CELF2: variants seen among roughly 807,000 people sequenced by gnomAD.
The protein encoded by CELF2 is CUGBP Elav-like family member 2.
In CELF2, 8 loss-of-function variants were observed where a neutral mutation model predicts 62.6. That is an observed-to-expected ratio of 0.13 (90% confidence interval 0.07 to 0.23). CELF2 has a LOEUF of 0.23. CELF2 is among the 10% of genes least tolerant of loss of function. The pLI is 1.00. For missense variants in CELF2, 333 were observed against 671.0 expected, an observed-to-expected ratio of 0.50 and a Z score of 5.56; for synonymous variants, 258 against 250.0, an observed-to-expected ratio of 1.03 and a Z score of -0.30.
At chr10:10,909,840 G>C (rs890236587) in intron 1 of CELF2, among the ~76,000 whole-genome samples, 1 of 138,964 alleles carries the variant, frequency 7.2e-6, no homozygotes, top group Non-Finnish European at 1.5e-5. Context: ...CCAGTAGACA[G>C]ACAGCCTCAT....
At chr10:11,100,337 T>G (rs1729273577) in intron 1 of CELF2, among the ~76,000 whole-genome samples, 1 of 152,106 alleles carries the variant, frequency 6.6e-6, no homozygotes, top group Non-Finnish European at 1.5e-5. Context: ...TCTTGGCCCT[T>G]TTCCATTCCT....
the CELF2 span, among the ~76,000 whole-genome samples, chr10:10,555,853 G>C: frequency 6.6e-6 from 1 of 152,064 alleles, no homozygotes; most frequent in Non-Finnish European, 1.5e-5. Flanking sequence ...GAGCCTCTTC[G>C]GGCTCTTCAC....
chr10:10,975,841 C>T (rs563967617), intron 2 of CELF2, among the ~76,000 whole-genome samples: 3 of 152,320 alleles, frequency 2.0e-5, no homozygotes, highest in Non-Finnish European at 4.4e-5. Context: ...TTGAACAGTG[C>T]TGCTCCTTGC....
the CELF2 span, among the ~76,000 whole-genome samples, chr10:10,478,518 C>T: frequency 1.3e-5 from 2 of 151,940 alleles, no homozygotes; most frequent in African/African-American, 4.8e-5. Context: ...CAGTAATACA[C>T]GATAAAACTC....
the CELF2 span, among the ~76,000 whole-genome samples, chr10:10,573,469 T>A: frequency 1.3e-5 from 2 of 152,154 alleles, no homozygotes; most frequent in Non-Finnish European, 2.9e-5. Flanking sequence ...TTCAATTCCG[T>A]TGTGTGTCCA....
rs574074070 is a variant in CELF2, at chr10:10,805,762, A to G, written c.53+6945A>G. On this transcript the variant is annotated intron_variant, in intron 1 of 13. Transcript: ENST00000636488. ...TTTGATCATAGAGAGAGTCTTTAGG[A>G]GTCCTTTTCTTGCTCCAGGAAAAAA... Among the ~76,000 whole-genome samples, 145 of 152,300 alleles carry G rather than the reference A, an allele frequency of 9.5e-4. 3 individuals are homozygous for G. The South Asian group carries it at 0.029, about 30-fold the overall frequency.
the CELF2 span, among the ~76,000 whole-genome samples, chr10:10,563,587 G>A: frequency 5.6e-5 from 8 of 142,966 alleles, no homozygotes; most frequent in African/African-American, 7.9e-5. Context: ...CAGCCTGGGC[G>A]ACATAGGGAG....
the CELF2 span, among the ~76,000 whole-genome samples, chr10:10,630,692 G>C: frequency 6.6e-6 from 1 of 152,354 alleles, no homozygotes; most frequent in East Asian, 1.9e-4. Flanking sequence ...GAGATTGGAA[G>C]AGAAATTAAT....
Position 11,257,649 on chromosome 10 carries a change from TG to T in CELF2, c.404-85del, listed in dbSNP as rs2079231946. 62 of 1,480,622 alleles carry T rather than the reference TG, an allele frequency of 4.2e-5. No individual in the cohort carries two copies. In the South Asian group the frequency reaches 7.1e-4, roughly 17 times the overall value. The allele number at this position is 1,480,622 out of a possible 1,614,324, so 91.7% of individuals were successfully genotyped here. ...GGACACGTGCTTGGTCTCACATGGCTGGGGCCTGGTTTGATGGGGTAATGAA... is the reference window on the plus strand; with the variant it reads ...GGACACGTGCTTGGTCTCACATGGCTGGGCCTGGTTTGATGGGGTAATGAA... On this transcript the variant is annotated intron_variant, in intron 4 of 12. Coordinates refer to ENST00000633077, the MANE Select transcript of CELF2 (RefSeq NM_001326342.2).
At chr10:11,140,371 G>A (rs1410704121) in intron 1 of CELF2, among the ~76,000 whole-genome samples, 2 of 152,010 alleles carry the variant, frequency 1.3e-5, no homozygotes, top group African/African-American at 2.4e-5. Context: ...CTCCCAGGTA[G>A]CTGGGATTAC....
the CELF2 span, among the ~76,000 whole-genome samples, chr10:10,618,143 C>T: frequency 6.6e-6 from 1 of 152,044 alleles, no homozygotes; most frequent in Admixed American, 6.5e-5. Context: ...TCTAAGCCTG[C>T]CTCTTTCCAA....
Position 11,046,551 on chromosome 10 carries a change from G to A in CELF2, c.74+28388G>A, listed in dbSNP as rs993155707. On this transcript the variant is annotated intron_variant, in intron 1 of 12. Coordinates refer to ENST00000633077, the MANE Select transcript of CELF2 (RefSeq NM_001326342.2). The surrounding 1 kb of genome is among the most constrained non-coding windows in gnomAD (Gnocchi z 4.6). ...ATTTCTTTTATGTCTTGGGCATGTGGGCTCAGTGCTAATTTTCATGGCTTC... is the reference window on the plus strand; with the variant it reads ...ATTTCTTTTATGTCTTGGGCATGTGAGCTCAGTGCTAATTTTCATGGCTTC... 1.3e-5 allele frequency among the ~76,000 whole-genome samples: 2 copies of A among 152,100 alleles called. No homozygotes were observed. The highest frequency in any genetic ancestry group is 2.9e-5 in the Non-Finnish European group (2 of 68,024).
At position 10,956,353 on chromosome 10, in the gene CELF2, C is replaced by T. The variant is rs145934494; in HGVS notation, c.89+36354C>T. On this transcript the variant is annotated intron_variant, in intron 2 of 13. Coordinates refer to the CELF2 transcript ENST00000636488. Reference sequence around the variant, plus strand: ...TTCTGGAGAAAATGCTTTCCTGTCACGAGGGGGAAGTGTTCCAGGTACTTT... The same window carrying T: ...TTCTGGAGAAAATGCTTTCCTGTCATGAGGGGGAAGTGTTCCAGGTACTTT... 1.1e-4 allele frequency among the ~76,000 whole-genome samples: 17 copies of T among 152,252 alleles called. No homozygotes were observed. The South Asian group carries it at 1.2e-3, about 11-fold the overall frequency.
the CELF2 span, among the ~76,000 whole-genome samples, chr10:10,496,617 A>T: frequency 6.6e-6 from 1 of 152,194 alleles, no homozygotes; most frequent in African/African-American, 2.4e-5. Context: ...TAAGGAGGTC[A>T]CCAGACAGAA....
the CELF2 span, among the ~76,000 whole-genome samples, chr10:10,767,175 G>C: frequency 1.3e-5 from 2 of 151,848 alleles, no homozygotes; most frequent in Non-Finnish European, 2.9e-5. Flanking sequence ...CAAGTCATTC[G>C]GTTGATCATA....
chr10:11,289,161 G>A (rs954062526), intron 9 of CELF2, among the ~76,000 whole-genome samples: 48 of 152,018 alleles, frequency 3.2e-4, no homozygotes, highest in African/African-American at 1.1e-3. Context: ...CTTAGATACC[G>A]TGATTTGAGG....
the CELF2 span, among the ~76,000 whole-genome samples, chr10:10,744,183 C>G: frequency 6.6e-6 from 1 of 152,088 alleles, no homozygotes; most frequent in Non-Finnish European, 1.5e-5. Context: ...CACCTATATG[C>G]TGGGAATAAC....
At chr10:10,818,546 C>CTTTTTTTTTTTTTTTTTT (rs3028992) in intron 1 of CELF2, among the ~76,000 whole-genome samples, 2 of 116,538 alleles carry the variant, frequency 1.7e-5, no homozygotes, top group Non-Finnish European at 1.7e-5. Flanking sequence ...TAAATATTTC[C>CTTTTTTTTTTTTTTTTTT]TTTTTTTTTT....
Position 11,336,233 on chromosome 10 carries a change from A to G in CELF2, c.*7180A>G, listed in dbSNP as rs541134061. The G allele has an allele frequency of 2.0e-5, 3 of 152,794 alleles. No homozygotes were observed. Among genetic ancestry groups the G allele is most frequent in the Non-Finnish European group, 4.4e-5 (3 of 68,032 alleles). The allele number at this position is 152,794 out of a possible 1,614,324, so 9.5% of individuals were successfully genotyped here. On this transcript the variant is annotated 3_prime_UTR_variant, in exon 13 of 13. Coordinates refer to ENST00000633077, the MANE Select transcript of CELF2 (RefSeq NM_001326342.2). This position sits in a 1 kb window ranked among gnomAD's most constrained non-coding sequence, Gnocchi z 5.4. ...GTGAATAAAACATTGTGACCAAACA[A>G]TCAGCTTATTCACTTATCAGGAATC...
Sources: gnomAD v4.1 joint callset for allele counts (sites outside exome capture counted in the v4.1 genomes callset) on GRCh38, gnomAD v4.1.1 for gene constraint, Gnocchi (gnomAD v3.1) non-coding constraint, MANE v1.5 for transcripts, NCBI Gene and HGNC (gene_info 2026-07-23, HGNC 2026-07-21) for gene names.